The following DNAJC24 variants were observed in gnomAD, a reference collection of about 807,000 sequenced individuals.
DNAJC24 encodes the protein dnaJ homolog subfamily C member 24.
In DNAJC24, 17 loss-of-function variants were observed where a neutral mutation model predicts 18.0. The ratio of observed to expected loss-of-function variants is 0.94; its 90% CI spans 0.65 to 1.42. The LOEUF (loss-of-function observed/expected upper bound fraction) is 1.42. DNAJC24 is among the 40% of genes most tolerant of loss of function. The pLI, the probability that DNAJC24 is intolerant of heterozygous loss-of-function variation, is 0.00. For missense variants in DNAJC24, 158 were observed against 175.6 expected (o/e 0.90, Z 0.57); for synonymous variants, 55 against 57.7 (o/e 0.95, Z 0.21).
intron 2 of DNAJC24, among the ~76,000 whole-genome samples, chr11:31,401,535 G>T (rs547925126): frequency 6.9e-6 from 1 of 144,178 alleles, no homozygotes; most frequent in South Asian, 2.2e-4. Flanking sequence ...CTTCCCCTCC[G>T]CCCCCCCACT....
intron 3 of DNAJC24, 91 bp downstream of exon 3, chr11:31,415,040 C>T: frequency 3.5e-6 from 5 of 1,411,126 alleles, no homozygotes; most frequent in Non-Finnish European, 4.8e-6. Context: ...CCAGCATTTG[C>T]ACCAAGTGTT....
chr11:31,429,514 C>G (rs1564960062), intron 4 of DNAJC24: 1 of 390,212 alleles, frequency 2.6e-6, no homozygotes, highest in Non-Finnish European at 5.5e-6. Context: ...ATGGAATGAC[C>G]AATGGATCAG....
chr11:31,406,160 T>C (rs966369830), intron 2 of DNAJC24, among the ~76,000 whole-genome samples: 10 of 152,200 alleles, frequency 6.6e-5, no homozygotes, highest in African/African-American at 2.4e-4. Flanking sequence ...TTCCTCTATA[T>C]CTCATTCCTC....
intron 2 of DNAJC24, among the ~76,000 whole-genome samples, chr11:31,389,710 ATTC>A (rs559034990): frequency 3.2e-4 from 48 of 152,350 alleles, no homozygotes; most frequent in African/African-American, 9.1e-4. Context: ...CAGAATAAAT[ATTC>A]TTCTCATCAG....
intron 4 of DNAJC24, chr11:31,429,788 A>G (rs1050067903): frequency 6.2e-6 from 1 of 161,826 alleles, no homozygotes; most frequent in African/African-American, 2.4e-5. Flanking sequence ...ACTAGAAGAG[A>G]AAGTATCCAG....
intron 2 of DNAJC24, among the ~76,000 whole-genome samples, chr11:31,383,265 G>C (rs915011769): frequency 6.6e-6 from 1 of 151,946 alleles, no homozygotes; most frequent in East Asian, 1.9e-4. Context: ...GGCTGGGGCT[G>C]AAAGTCCCAA....
intron 2 of DNAJC24, chr11:31,384,656 A>T (rs1050485043): frequency 6.6e-6 from 1 of 152,244 alleles, no homozygotes; most frequent in Non-Finnish European, 1.5e-5. Context: ...AGAGCCACAC[A>T]GCATGTGAAG....
At chr11:31,374,364 A>T (rs1952293065) in intron 2 of DNAJC24, among the ~76,000 whole-genome samples, 2 of 125,820 alleles carry the variant, frequency 1.6e-5, no homozygotes, top group African/African-American at 2.6e-5. Flanking sequence ...GCATTTATTG[A>T]TTTTTCTCAT....
intron 2 of DNAJC24, among the ~76,000 whole-genome samples, chr11:31,404,461 A>G (rs1952634928): frequency 6.6e-6 from 1 of 152,148 alleles, no homozygotes; most frequent in Admixed American, 6.5e-5. Context: ...GAGGGAACTT[A>G]AGATTTTCCT....
At chr11:31,376,871 A>G (rs780348990) in intron 2 of DNAJC24, among the ~76,000 whole-genome samples, 10 of 152,158 alleles carry the variant, frequency 6.6e-5, no homozygotes, top group Non-Finnish European at 1.0e-4. Context: ...TTTATGGCTT[A>G]TGAAGTGAAA....
intron 2 of DNAJC24, among the ~76,000 whole-genome samples, chr11:31,388,309 G>A (rs1952451362): frequency 1.3e-5 from 2 of 152,102 alleles, no homozygotes; most frequent in Non-Finnish European, 2.9e-5. Context: ...ACTACCTCAA[G>A]ATATTTAATA....
At chr11:31,426,454 AAT>A (rs1952862053) in intron 4 of DNAJC24, 99 bp downstream of exon 4, 2 of 674,130 alleles carry the variant, frequency 3.0e-6, no homozygotes, top group African/African-American at 3.7e-5. Context: ...AAAAAGAAAT[AAT>A]AGTGTGGCTT....
intron 2 of DNAJC24, among the ~76,000 whole-genome samples, chr11:31,395,873 C>T (rs1952539064): frequency 6.6e-6 from 1 of 152,164 alleles, no homozygotes; most frequent in African/African-American, 2.4e-5. Flanking sequence ...ATAACAGAAC[C>T]AGAATCAAAA....
chr11:31,425,220 A>T lies in DNAJC24; in HGVS notation c.251-1067A>T, dbSNP rs191720402. Among the ~76,000 whole-genome samples the T allele has an allele frequency of 1.1e-3, 160 of 152,276 alleles. 2 individuals carry two copies. Among genetic ancestry groups the T allele is most frequent in the African/African-American group, 3.5e-3 (145 of 41,564 alleles). The stretch of plus-strand genomic sequence containing the variant: ...GGAAACAGCAATGGAACATCAACAC[A>T]ATACATTTGTGTTGTGGGGTTATTG... On this transcript the variant is annotated intron_variant, in intron 3 of 4. Coordinates refer to ENST00000465995, the MANE Select transcript of DNAJC24 (RefSeq NM_181706.5).
chr11:31,384,931 A>G (rs1952413284), intron 2 of DNAJC24: 1 of 152,208 alleles, frequency 6.6e-6, no homozygotes, highest in South Asian at 2.1e-4. Flanking sequence ...TAAGCATATA[A>G]TTTTCAGTTT....
chr11:31,388,965 G>C (rs1423062395), intron 2 of DNAJC24, among the ~76,000 whole-genome samples: 1 of 152,058 alleles, frequency 6.6e-6, no homozygotes, highest in Non-Finnish European at 1.5e-5. Flanking sequence ...TTGTAAGATA[G>C]TATTTGCAAA....
intron 2 of DNAJC24, among the ~76,000 whole-genome samples, chr11:31,379,043 T>C (rs118188282): frequency 0.026 from 3,962 of 152,342 alleles, 86 homozygotes; most frequent in Non-Finnish European, 0.038. Flanking sequence ...GAGATGCTTA[T>C]ACTATGTTAC....
chr11:31,395,392 A>T (rs1952534995), intron 2 of DNAJC24, among the ~76,000 whole-genome samples: 2 of 152,148 alleles, frequency 1.3e-5, no homozygotes, highest in Admixed American at 6.6e-5. Context: ...AAGGATTTAT[A>T]GTCCATTGGT....
chr11:31,424,560 G>C (rs973242919), intron 3 of DNAJC24, among the ~76,000 whole-genome samples: 2 of 152,090 alleles, frequency 1.3e-5, no homozygotes, highest in Non-Finnish European at 2.9e-5. Context: ...AAATTAACTT[G>C]TTTTGTTCAG....
Sources: gnomAD v4.1 joint callset for allele counts (sites outside exome capture counted in the v4.1 genomes callset) on GRCh38, gnomAD v4.1.1 for gene constraint, MANE v1.5 for transcripts, NCBI Gene and HGNC (gene_info 2026-07-23, HGNC 2026-07-21) for gene names.